The following CFAP299 variants were observed in gnomAD, a reference collection of about 807,000 sequenced individuals.
The protein encoded by CFAP299 is cilia- and flagella-associated protein 299.
A neutral mutation model predicts 27.0 loss-of-function variants in CFAP299; 21 were observed. That is an observed-to-expected ratio of 0.78 (90% CI 0.55 to 1.12). CFAP299 has a LOEUF of 1.12. Among genes scored for constraint, CFAP299 ranks in the 50% most tolerant of loss-of-function variants. The probability of loss-of-function intolerance (pLI) is 0.00; values close to 1 mark genes in which losing one functional copy is unlikely to be tolerated. For missense variants in CFAP299, 310 were observed against 276.6 expected (o/e 1.12, Z -0.86); for synonymous variants, 104 against 98.1 (o/e 1.06, Z -0.36).
At position 80,335,752 on chromosome 4, in the gene CFAP299, C is replaced by A. The variant is rs779884359; in HGVS notation, c.-17C>A. 4.6e-6 allele frequency: 7 copies of A among 1,533,890 alleles called. No homozygotes were observed. Among genetic ancestry groups the A allele is most frequent in the Non-Finnish European group, 5.4e-6 (6 of 1,107,148 alleles). ...CCTGCTTCCGTTGCTAGGGACGCTT[C>A]GGCCGAGGATACCGCAATGGATCAG... On this transcript the variant is annotated 5_prime_UTR_variant, in exon 1 of 6. Transcript: ENST00000358105.
At chr4:80,377,376 T>C (rs1047299721) in intron 2 of CFAP299, among the ~76,000 whole-genome samples, 12 of 152,274 alleles carry the variant, frequency 7.9e-5, no homozygotes, top group African/African-American at 2.6e-4. Flanking sequence ...AAAAGACTAT[T>C]CTTTTTCTAT....
intron 5 of CFAP299, among the ~76,000 whole-genome samples, chr4:80,960,112 T>TAA (rs397971653): frequency 1.4e-5 from 2 of 139,112 alleles, no homozygotes; most frequent in African/African-American, 5.2e-5. Context: ...CATAGGAAGT[T>TAA]AAAAAAAAAA....
intron 3 of CFAP299, among the ~76,000 whole-genome samples, chr4:80,800,557 TTATATAATATATTAATATAAATATATAA>T (rs1191600913): frequency 0.016 from 617 of 37,742 alleles, 17 homozygotes; most frequent in African/African-American, 0.072. Context: ...TATCAATATA[TTATATAATATATTAATATAAATATATAA>T]TATATAATAT....
intron 4 of CFAP299, among the ~76,000 whole-genome samples, chr4:80,875,358 A>G (rs764491008): frequency 3.3e-5 from 5 of 152,180 alleles, no homozygotes; most frequent in Non-Finnish European, 5.9e-5. Flanking sequence ...AATTTTCTTT[A>G]AACTTATAAG....
At chr4:80,479,239 A>G (rs1730436222) in intron 2 of CFAP299, among the ~76,000 whole-genome samples, 3 of 152,188 alleles carry the variant, frequency 2.0e-5, no homozygotes, top group Non-Finnish European at 2.9e-5. Context: ...TTAAAAAAGA[A>G]AACAATAATA....
intron 3 of CFAP299, among the ~76,000 whole-genome samples, chr4:80,869,745 C>T (rs1214722043): frequency 6.6e-6 from 1 of 152,196 alleles, no homozygotes; most frequent in African/African-American, 2.4e-5. Flanking sequence ...ATCTCCTTAC[C>T]TCGTGATCTG....
intron 1 of CFAP299, among the ~76,000 whole-genome samples, chr4:80,340,783 ATTAT>A (rs199861648): frequency 0.049 from 7,459 of 150,762 alleles, 616 homozygotes; most frequent in African/African-American, 0.17. Flanking sequence ...ATTTTATTTT[ATTAT>A]TTTTTTTTTT....
chr4:80,350,039 A>G (rs1433146941), intron 1 of CFAP299, among the ~76,000 whole-genome samples: 2 of 152,194 alleles, frequency 1.3e-5, no homozygotes, highest in East Asian at 1.9e-4. Context: ...TTGAGTGAAA[A>G]CAACTCTGTT....
rs1165654759 is a variant in CFAP299, at chr4:80,391,038, C to CGT, written c.242+28154_242+28155insGT. Among the ~76,000 whole-genome samples, 32 of 148,906 alleles carry CGT rather than the reference C, an allele frequency of 2.1e-4. 1 individual carries two copies. The highest frequency in any genetic ancestry group is 7.6e-4 in the African/African-American group (31 of 40,818). Reference sequence around the variant, plus strand: ...ATGTATATATGTATATATGTATACACACACACATATATACACACATATATA... The same window carrying CGT: ...ATGTATATATGTATATATGTATACACGTACACACATATATACACACATATATA... On this transcript the variant is annotated intron_variant, in intron 2 of 5. Coordinates refer to ENST00000358105, the MANE Select transcript of CFAP299 (RefSeq NM_152770.3).
At chr4:80,677,824 T>A (rs1719568455) in intron 3 of CFAP299, among the ~76,000 whole-genome samples, 1 of 152,104 alleles carries the variant, frequency 6.6e-6, no homozygotes, top group Non-Finnish European at 1.5e-5. Context: ...TCTGAAATTC[T>A]TCATGTGTGG....
chr4:80,674,493 A>G (rs924915137), intron 3 of CFAP299, among the ~76,000 whole-genome samples: 2 of 151,964 alleles, frequency 1.3e-5, no homozygotes, highest in African/African-American at 4.8e-5. Context: ...TCTGACAATT[A>G]TGTGTCTTGG....
intron 4 of CFAP299, among the ~76,000 whole-genome samples, chr4:80,888,760 A>G (rs1310859703): frequency 6.6e-6 from 1 of 152,114 alleles, no homozygotes; most frequent in Non-Finnish European, 1.5e-5. Context: ...AATTGAAACA[A>G]TATCAAACAT....
At chr4:80,618,794 A>T (rs1482670843) in intron 3 of CFAP299, among the ~76,000 whole-genome samples, 1 of 152,180 alleles carries the variant, frequency 6.6e-6, no homozygotes, top group East Asian at 1.9e-4. Context: ...TAACAAGTGG[A>T]TTTTTACTTA....
chr4:80,451,358 T>C (rs2032379833), intron 2 of CFAP299, among the ~76,000 whole-genome samples: 1 of 152,212 alleles, frequency 6.6e-6, no homozygotes, highest in Admixed American at 6.5e-5. Context: ...TCTTTGAATG[T>C]CCTATCTCCA....
At chr4:80,884,682 C>T (rs996627328) in intron 4 of CFAP299, among the ~76,000 whole-genome samples, 13 of 143,668 alleles carry the variant, frequency 9.0e-5, no homozygotes, top group East Asian at 4.2e-4. Context: ...AAAAGAGCAA[C>T]GAAACTAAGA....
At chr4:80,751,457 C>T (rs1724922858) in intron 3 of CFAP299, among the ~76,000 whole-genome samples, 1 of 152,114 alleles carries the variant, frequency 6.6e-6, no homozygotes, top group African/African-American at 2.4e-5. Context: ...TGGCAGCTGC[C>T]CCTCCCCCTG....
Position 80,904,265 on chromosome 4 carries a change from T to C in CFAP299, c.476+34130T>C, listed in dbSNP as rs1430313703. Among the ~76,000 whole-genome samples, 3 of 152,274 alleles carry C rather than the reference T, an allele frequency of 2.0e-5. No individual in the cohort carries two copies. In the East Asian group the frequency reaches 5.8e-4, roughly 29 times the overall value. On this transcript the variant is annotated intron_variant, in intron 4 of 5. Coordinates refer to ENST00000358105, the MANE Select transcript of CFAP299 (RefSeq NM_152770.3). Reference sequence around the variant, plus strand: ...ACACTGGATTAAAGCAGTGCTTCCTTAAAATGGTTCCAGAGTCAAATAAGA... The same window carrying C: ...ACACTGGATTAAAGCAGTGCTTCCTCAAAATGGTTCCAGAGTCAAATAAGA...
In CFAP299 at chr4:80,386,429, C is replaced by T. The variant is rs557436320; in HGVS notation, c.242+23545C>T. 57 of 1,545,436 alleles carry T rather than the reference C, an allele frequency of 3.7e-5. No homozygotes were observed. The African/African-American group carries it at 7.5e-4, about 20-fold the overall frequency. ...CTGTGTCCTTCATCTCCTCCAGCCC[C>T]AGCGGGTCAGGCAAGGGGGTCACCA... On this transcript the variant is annotated intron_variant, in intron 2 of 5. Transcript: ENST00000358105.
At chr4:80,331,446 T>C (rs139019705), upstream of CFAP299, among the ~76,000 whole-genome samples, 1 of 152,224 alleles carries the variant, frequency 6.6e-6, no homozygotes, top group East Asian at 1.9e-4. Context: ...CAGAAGAGTA[T>C]AGGGAAACCA....
Sources: gnomAD v4.1 joint callset for allele counts (sites outside exome capture counted in the v4.1 genomes callset) on GRCh38, gnomAD v4.1.1 for gene constraint, MANE v1.5 for transcripts, NCBI Gene and HGNC (gene_info 2026-07-23, HGNC 2026-07-21) for gene names.